The following SHROOM2 variants were observed in gnomAD, a reference collection of about 807,000 sequenced individuals.
The protein encoded by SHROOM2 is protein Shroom2.
Under a neutral mutation model 75.9 loss-of-function variants are expected in SHROOM2, and 33 were observed. That is an observed-to-expected ratio of 0.43 (90% CI 0.33 to 0.58). The LOEUF is 0.58. SHROOM2 is among the 20% of genes least tolerant of loss of function. SHROOM2 has a pLI of 0.04. For missense variants in SHROOM2, 1,434 were observed against 1,461.2 expected (o/e 0.98, Z 0.30); for synonymous variants, 655 against 663.6 (o/e 0.99, Z 0.20).
At chrX:9,872,859 G>A (rs1050028882) in intron 1 of SHROOM2, among the ~76,000 whole-genome samples, 15 of 112,289 alleles carry the variant, frequency 1.3e-4, no homozygotes, top group Admixed American at 1.0e-3. Flanking sequence ...ATCATAGGGC[G>A]CAGCAGTTCC....
At chrX:9,898,079 T>C in intron 4 of SHROOM2, 111 bp from the exon 5 acceptor site, 1 of 613,810 alleles carries the variant, frequency 1.6e-6, no homozygotes, top group South Asian at 2.4e-5. Flanking sequence ...ATGAAATGCT[T>C]TGTAGAACTG....
At chrX:9,942,485 C>T (rs910772030) in intron 8 of SHROOM2, among the ~76,000 whole-genome samples, 6 of 112,226 alleles carry the variant, frequency 5.3e-5, no homozygotes, top group Non-Finnish European at 1.9e-5. Flanking sequence ...GGACTTCTGA[C>T]CAACCACCTT....
At chrX:9,840,535 C>T (rs1440337730) in intron 1 of SHROOM2, among the ~76,000 whole-genome samples, 1 of 112,308 alleles carries the variant, frequency 8.9e-6, no homozygotes, top group Non-Finnish European at 1.9e-5. Flanking sequence ...TCCGCAAGTG[C>T]TGGGATTACA....
chrX:9,882,178 C>CTTTTT lies in SHROOM2; in HGVS notation c.317+8389_317+8393dup, dbSNP rs386416608. Among the ~76,000 whole-genome samples the CTTTTT allele has an allele frequency of 5.9e-4, 42 of 71,007 alleles. 2 individuals carry two copies. The highest frequency in any genetic ancestry group is 3.2e-3 in the South Asian group (3 of 941). The allele number at this position is 71,007 out of a possible 115,157, so 61.7% of individuals were successfully genotyped here. On this transcript the variant is annotated intron_variant, in intron 2 of 9. Coordinates refer to ENST00000380913, the MANE Select transcript of SHROOM2 (RefSeq NM_001649.4). ...AACAGCAGTCTGCAATCCCTTGTTG[C>CTTTTT]TTTTTTTTTTTTTTTTTTGGTATGG...
chrX:9,922,163 C>A (rs757389899), intron 5 of SHROOM2, among the ~76,000 whole-genome samples: 1 of 111,586 alleles, frequency 9.0e-6, no homozygotes, highest in African/African-American at 3.3e-5. Context: ...AAGTGATCCT[C>A]CTGCCTCAGC....
intron 1 of SHROOM2, among the ~76,000 whole-genome samples, chrX:9,821,370 G>T (rs370744516): frequency 6.6e-4 from 74 of 111,672 alleles, no homozygotes; most frequent in African/African-American, 2.4e-3. Context: ...TAGAGGACGT[G>T]GGGGAGGCGT....
intron 1 of SHROOM2, among the ~76,000 whole-genome samples, chrX:9,792,698 G>C (rs2083673586): frequency 9.1e-6 from 1 of 109,411 alleles, no homozygotes; most frequent in Non-Finnish European, 1.9e-5. Context: ...CTTACTCATA[G>C]AAGGGAAGGG....
Position 9,944,683 on chromosome X carries a change from C to A in SHROOM2, c.4354C>A (p.Arg1452=), listed in dbSNP as rs201285005. Residue 1452 remains arginine (R), a synonymous_variant, in exon 9 of 10, where the codon CGG becomes AGG. Coordinates refer to ENST00000380913, the MANE Select transcript of SHROOM2 (RefSeq NM_001649.4). ...CATCAGCCGCAAGCTGCAGGTGCTCCGGGAGGCCCGCGAGAGCCTGCTGGA... is the reference window on the plus strand; with the variant it reads ...CATCAGCCGCAAGCTGCAGGTGCTCAGGGAGGCCCGCGAGAGCCTGCTGGA... The part of the protein sequence containing the change: ...ESISRKLQVL[R]EARESLLEDV... The A allele has an allele frequency of 6.6e-6, 8 of 1,208,598 alleles. No individual in the cohort carries two copies. In the African/African-American group the frequency reaches 1.4e-4, roughly 21 times the overall value.
intron 6 of SHROOM2, among the ~76,000 whole-genome samples, chrX:9,935,799 G>A (rs889281179): frequency 4.5e-5 from 5 of 111,688 alleles, no homozygotes; most frequent in South Asian, 3.8e-4. Context: ...AACATCGTAG[G>A]GGCAGTTTTG....
At chrX:9,918,025 C>A (rs748001925) in intron 5 of SHROOM2, among the ~76,000 whole-genome samples, 1 of 111,841 alleles carries the variant, frequency 8.9e-6, no homozygotes, top group Admixed American at 9.5e-5. Context: ...TCTCCTAGGC[C>A]CTTCAGCTCC....
intron 1 of SHROOM2, among the ~76,000 whole-genome samples, chrX:9,823,106 T>TCCTTCTCCTTCTCCCTTCTCCTTCTC (rs1555924344): frequency 3.1e-4 from 6 of 19,224 alleles, no homozygotes; most frequent in African/African-American, 5.9e-4. Flanking sequence ...TTCTCCCTTC[T>TCCTTCTCCTTCTCCCTTCTCCTTCTC]CCTTCTCCTT....
In SHROOM2 at chrX:9,786,668, G is replaced by C. The variant is rs1242862330; in HGVS notation, c.123G>C (p.Leu41=). 15 of 888,232 alleles carry C rather than the reference G, an allele frequency of 1.7e-5. No homozygotes were observed. Among genetic ancestry groups the C allele is most frequent in the Non-Finnish European group, 2.1e-5 (15 of 724,661 alleles). The allele number at this position is 888,232 out of a possible 1,213,427, so 73.2% of individuals were successfully genotyped here. A position where few individuals can be genotyped will look rare whatever the true frequency, so the allele number is the denominator to read the frequency against. ...GCGGCGCCCCGTGGGGCTTCACCCT[G>C]AAGGGCGGCCGCGAGCACGGCGAGC... The part of the protein sequence containing the change: ...LSGGAPWGFT[L]KGGREHGEPL... The change falls in exon 1 of 10, where the codon CTG becomes CTC. Residue 41 remains leucine, a synonymous_variant. Coordinates refer to ENST00000380913, the MANE Select transcript of SHROOM2 (RefSeq NM_001649.4).
At chrX:9,849,068 T>C (rs2084024068) in intron 1 of SHROOM2, among the ~76,000 whole-genome samples, 1 of 111,827 alleles carries the variant, frequency 8.9e-6, no homozygotes, top group African/African-American at 3.3e-5. Context: ...AAACCGAGCT[T>C]CTCTCCTGCT....
intron 1 of SHROOM2, among the ~76,000 whole-genome samples, chrX:9,829,235 G>A (rs999299895): frequency 1.8e-5 from 2 of 111,629 alleles, no homozygotes; most frequent in East Asian, 2.8e-4. Flanking sequence ...TGTTAGCCAG[G>A]CTGGTCTCAA....
chrX:9,863,390 G>T (rs2084115519), intron 1 of SHROOM2, among the ~76,000 whole-genome samples: 1 of 110,466 alleles, frequency 9.1e-6, no homozygotes, highest in Admixed American at 9.7e-5. Context: ...GTGTCCATTA[G>T]CATGGCTTTG....
intron 2 of SHROOM2, chrX:9,874,629 G>A (rs2283698): frequency 0.18 from 19,832 of 110,592 alleles, 1,940 homozygotes; most frequent in East Asian, 0.7. Flanking sequence ...AGTAGTGTGC[G>A]TGGAGAGGAA....
Position 9,932,539 on chromosome X carries a change from C to T in SHROOM2, c.3256C>T (p.Pro1086Ser), listed in dbSNP as rs772946235. ...CACAGACGGCGCACCTGCTGACGCCCCCGTGGGCGTCCTCGGCAGGCCCTT... is the reference window on the plus strand; with the variant it reads ...CACAGACGGCGCACCTGCTGACGCCTCCGTGGGCGTCCTCGGCAGGCCCTT... ...RATDGAPADA[P>S]VGVLGRPFPT... Residue 1086 changes from proline (P) to serine (S), a missense_variant, in exon 6 of 10, where the codon CCC (proline) becomes TCC (serine). Transcript: ENST00000380913. 5.8e-6 allele frequency: 7 copies of T among 1,211,325 alleles called. No homozygotes were observed. The South Asian group carries it at 8.8e-5, about 15-fold the overall frequency.
intron 1 of SHROOM2, among the ~76,000 whole-genome samples, chrX:9,857,474 A>G (rs943480357): frequency 7.4e-5 from 8 of 108,578 alleles, no homozygotes; most frequent in Non-Finnish European, 1.5e-4. Context: ...ACATCCTCAA[A>G]CTCCTGGTCT....
In SHROOM2 at chrX:9,823,155, T is replaced by TCTCC. The variant is rs1256861730; in HGVS notation, c.165+36447_165+36448insCCCT. On this transcript the variant is annotated intron_variant, in intron 1 of 9. Coordinates refer to ENST00000380913, the MANE Select transcript of SHROOM2 (RefSeq NM_001649.4). ...CTCCCTTCTCCTTCTCCTTCTTCCT[T>TCTCC]CTTCTTCTTTTCTTCTTCTTCTTCT... 1.0e-3 allele frequency among the ~76,000 whole-genome samples: 52 copies of TCTCC among 49,637 alleles called. 1 individual carries two copies. Among genetic ancestry groups the TCTCC allele is most frequent in the African/African-American group, 3.4e-3 (50 of 14,604 alleles). The allele number at this position is 49,637 out of a possible 115,157, so 43.1% of individuals were successfully genotyped here.
Sources: allele counts gnomAD v4.1 joint callset (sites outside exome capture counted in the v4.1 genomes callset), GRCh38; gene constraint gnomAD v4.1.1; transcripts MANE v1.5; gene names NCBI Gene and HGNC (gene_info 2026-07-23, HGNC 2026-07-21).